Variants in CNTNAP3B observed in about 807,000 individuals in gnomAD.
CNTNAP3B encodes contactin-associated protein-like 3B.
Under a neutral mutation model 108.9 loss-of-function variants are expected in CNTNAP3B, and 25 were observed. That is an observed-to-expected ratio of 0.23 (90% confidence interval 0.17 to 0.32). The LOEUF (loss-of-function observed/expected upper bound fraction) is 0.32. Ranked by LOEUF, CNTNAP3B falls within the 10% of genes least tolerant of loss-of-function variation. The probability of loss-of-function intolerance (pLI) is 1.00; values close to 1 mark genes in which losing one functional copy is unlikely to be tolerated. For missense variants in CNTNAP3B, 252 were observed against 1,210.4 expected, an observed-to-expected ratio of 0.21 and a Z score of 11.75; for synonymous variants, 103 against 473.4, an observed-to-expected ratio of 0.22 and a Z score of 10.16.
chr9:41,939,872 T>A (rs1423162910), intron 13 of CNTNAP3B, among the ~76,000 whole-genome samples: 1 of 152,026 alleles, frequency 6.6e-6, no homozygotes, highest in African/African-American at 2.4e-5. Flanking sequence ...CCACCAAGTA[T>A]AATGATAGAT....
chr9:42,024,681 A>AG (rs1554751007), intron 3 of CNTNAP3B, among the ~76,000 whole-genome samples: 1 of 137,498 alleles, frequency 7.3e-6, no homozygotes, highest in Non-Finnish European at 1.6e-5. Flanking sequence ...AAAAAAAAAA[A>AG]AAAGAAAAAA....
In CNTNAP3B at chr9:42,127,597, G is replaced by A. The variant is rs113342254; in HGVS notation, c.85+1413C>T. Among the ~76,000 whole-genome samples the A allele has an allele frequency of 6.1e-4, 85 of 139,688 alleles. 14 individuals are homozygous for A. The highest frequency in any genetic ancestry group is 2.3e-3 in the African/African-American group (81 of 35,360). 91.6% of individuals were successfully genotyped at this position (139,688 alleles called of 152,430 possible). On this transcript the variant is annotated intron_variant, in intron 1 of 23. Coordinates refer to ENST00000377561, the MANE Select transcript of CNTNAP3B (RefSeq NM_001201380.3). ...ATTTATGTGTTTATTTAAGCCAAAC[G>A]GCAGTTTCCATTACAAGACCCAAGG...
At chr9:41,966,980 A>T (rs1357281886) in intron 10 of CNTNAP3B, among the ~76,000 whole-genome samples, 1 of 150,202 alleles carries the variant, frequency 6.7e-6, no homozygotes, top group African/African-American at 2.5e-5. Flanking sequence ...AAAACAAACA[A>T]ACAAACACCT....
intron 4 of CNTNAP3B, among the ~76,000 whole-genome samples, chr9:42,005,199 AT>A (rs113008517): frequency 3.1e-5 from 1 of 31,948 alleles, no homozygotes; most frequent in Non-Finnish European, 6.5e-5. Context: ...ACAAATTTTT[AT>A]TTTTTTTGAG....
At position 42,101,940 on chromosome 9, in the gene CNTNAP3B, C is replaced by A. The variant is rs1328777802; in HGVS notation, c.196+2689G>T. ...GGTGTGGTGGCGGGCACCTGCAGTT[C>A]CAGCTACTCGGGAGGCTGAGGAAGG... is the stretch of plus-strand genomic sequence containing the variant. On this transcript the variant is annotated intron_variant, in intron 2 of 23. Transcript: ENST00000377561. Among the ~76,000 whole-genome samples the A allele has an allele frequency of 3.4e-5, 3 of 89,298 alleles. 1 individual carries two copies. Among genetic ancestry groups the A allele is most frequent in the African/African-American group, 1.3e-4 (3 of 23,046 alleles). The allele number at this position is 89,298 out of a possible 152,430, so 58.6% of individuals were successfully genotyped here. A position where few individuals can be genotyped will look rare whatever the true frequency, so the allele number is the denominator to read the frequency against.
intron 13 of CNTNAP3B, among the ~76,000 whole-genome samples, chr9:41,944,067 ACT>A (rs1824450145): frequency 6.6e-6 from 1 of 151,190 alleles, no homozygotes; most frequent in African/African-American, 2.4e-5. Flanking sequence ...GAAAACACAC[ACT>A]AATATAAAAT....
At chr9:42,064,855 C>T (rs879140189) in intron 3 of CNTNAP3B, among the ~76,000 whole-genome samples, 1 of 147,776 alleles carries the variant, frequency 6.8e-6, no homozygotes. Context: ...ATTCAATCCA[C>T]TACTGATAAG....
chr9:42,128,258 A>G (rs1475581887), intron 1 of CNTNAP3B, among the ~76,000 whole-genome samples: 2 of 140,312 alleles, frequency 1.4e-5, no homozygotes, highest in Admixed American at 7.1e-5. Flanking sequence ...TATTAGAATC[A>G]TAGCCCATTC....
intron 1 of CNTNAP3B, among the ~76,000 whole-genome samples, chr9:42,128,369 G>T (rs1828616510): frequency 7.4e-6 from 1 of 135,968 alleles, no homozygotes; most frequent in Non-Finnish European, 1.6e-5. Flanking sequence ...ATCCAGAGAG[G>T]AATCATTTTC....
At chr9:41,913,377 T>TCTAA (rs1269157152) in intron 18 of CNTNAP3B, among the ~76,000 whole-genome samples, 26 of 151,712 alleles carry the variant, frequency 1.7e-4, no homozygotes, top group African/African-American at 6.0e-4. Context: ...TAGATTTACA[T>TCTAA]CTGCCATTTT....
chr9:41,958,443 T>C (rs1824945306), intron 12 of CNTNAP3B, among the ~76,000 whole-genome samples: 3 of 152,104 alleles, frequency 2.0e-5, no homozygotes, highest in Admixed American at 6.6e-5. Flanking sequence ...AAATTTTTTC[T>C]TGATAACCAG....
At chr9:42,014,962 T>G (rs1826195667) in intron 3 of CNTNAP3B, among the ~76,000 whole-genome samples, 1 of 27,114 alleles carries the variant, frequency 3.7e-5, no homozygotes, top group African/African-American at 1.2e-4. Context: ...CTAGTGTTGA[T>G]GTCAGACTTG....
intron 9 of CNTNAP3B, among the ~76,000 whole-genome samples, chr9:41,970,974 G>A: frequency 6.6e-6 from 1 of 151,376 alleles, no homozygotes; most frequent in Non-Finnish European, 1.5e-5. Context: ...AATGTTCTAT[G>A]AATAGAAAGA....
At chr9:41,952,220 G>T (rs1300012439) in intron 13 of CNTNAP3B, among the ~76,000 whole-genome samples, 2 of 152,202 alleles carry the variant, frequency 1.3e-5, no homozygotes, top group African/African-American at 4.8e-5. Context: ...ATTTTGTATT[G>T]AAAATTTAAG....
At chr9:42,029,254 T>C (rs77580301) in intron 3 of CNTNAP3B, among the ~76,000 whole-genome samples, 11,930 of 75,776 alleles carry the variant, frequency 0.16, 1,528 homozygotes, top group East Asian at 0.38. Context: ...ATGTACCTGA[T>C]GGAGTAATTA....
chr9:41,969,074 G>T (rs1356281960), intron 10 of CNTNAP3B, among the ~76,000 whole-genome samples: 1 of 152,294 alleles, frequency 6.6e-6, no homozygotes, highest in Non-Finnish European at 1.5e-5. Flanking sequence ...GGGATTACAG[G>T]CGTGAGCCAC....
chr9:41,929,980 T>C (rs1226785232), intron 14 of CNTNAP3B, among the ~76,000 whole-genome samples: 4 of 152,210 alleles, frequency 2.6e-5, no homozygotes, highest in African/African-American at 7.2e-5. Flanking sequence ...ACTTCCCTTC[T>C]AAAATTGTCT....
intron 15 of CNTNAP3B, among the ~76,000 whole-genome samples, chr9:41,925,384 G>A (rs1208453700): frequency 6.6e-6 from 1 of 152,208 alleles, no homozygotes; most frequent in Non-Finnish European, 1.5e-5. Context: ...ATGAGGTCAG[G>A]AGATCCAGAC....
intron 2 of CNTNAP3B, among the ~76,000 whole-genome samples, chr9:42,083,002 A>G (rs1827632792): frequency 7.2e-6 from 1 of 139,644 alleles, no homozygotes; most frequent in Non-Finnish European, 1.5e-5. Flanking sequence ...ATGGAAAAAT[A>G]TATATTATGC....
Sources: gnomAD v4.1 joint callset for allele counts (sites outside exome capture counted in the v4.1 genomes callset) on GRCh38, gnomAD v4.1.1 for gene constraint, MANE v1.5 for transcripts, NCBI Gene and HGNC (gene_info 2026-07-23, HGNC 2026-07-21) for gene names.